LRP1B: variants seen among roughly 807,000 people sequenced by gnomAD.
LRP1B encodes the protein low-density lipoprotein receptor-related protein 1B.
A neutral mutation model predicts 556.6 loss-of-function variants in LRP1B; 217 were observed. The ratio of observed to expected loss-of-function variants is 0.39; its 90% CI spans 0.35 to 0.44. The LOEUF (loss-of-function observed/expected upper bound fraction) is 0.44, where lower values mean the gene tolerates loss of function less well. LRP1B is among the 20% of genes least tolerant of loss of function. The probability of loss-of-function intolerance (pLI) is 1.00; values close to 1 mark genes in which losing one functional copy is unlikely to be tolerated. For synonymous variants in LRP1B, 2,047 were observed against 1,865.8 expected (o/e 1.10, Z -2.50); for missense variants, 5,053 against 5,620.8 (o/e 0.90, Z 3.23).
intron 1 of LRP1B, among the ~76,000 whole-genome samples, chr2:142,029,023 A>G (rs571967903): frequency 2.0e-5 from 3 of 151,962 alleles, no homozygotes; most frequent in African/African-American, 7.2e-5. Flanking sequence ...CTTATTGTTG[A>G]CAGATCCACT....
At position 140,828,707 on chromosome 2, in the gene LRP1B, G is replaced by A. The variant is rs569960543; in HGVS notation, c.5209+11284C>T. On this transcript the variant is annotated intron_variant, in intron 31 of 90. Transcript: ENST00000389484. ...CAGGAGGCTGAGGCAGGAGAATGGC[G>A]TGAACCCGGGAGGCGGAGCTTGCAG... Among the ~76,000 whole-genome samples the A allele has an allele frequency of 2.1e-3, 145 of 67,756 alleles. 29 individuals are homozygous for A. The highest frequency in any genetic ancestry group is 6.8e-3 in the Middle Eastern group (1 of 146). 44.5% of individuals were successfully genotyped at this position (67,756 alleles called of 152,430 possible).
chr2:140,563,735 C>G (rs1681023538), intron 43 of LRP1B, among the ~76,000 whole-genome samples: 1 of 152,120 alleles, frequency 6.6e-6, no homozygotes, highest in South Asian at 2.1e-4. Flanking sequence ...GAATTACATT[C>G]AAAACAAAAT....
chr2:140,430,340 T>G (rs1685867221), intron 66 of LRP1B, among the ~76,000 whole-genome samples: 1 of 152,196 alleles, frequency 6.6e-6, no homozygotes, highest in African/African-American at 2.4e-5. Flanking sequence ...TGTACCACCA[T>G]GCTGTTATAT....
At chr2:141,847,757 CTAA>C (rs1166171715) in intron 1 of LRP1B, among the ~76,000 whole-genome samples, 6 of 151,518 alleles carry the variant, frequency 4.0e-5, no homozygotes, top group Non-Finnish European at 8.9e-5. Context: ...AGGAAATTCT[CTAA>C]TACTGTTACA....
chr2:141,821,441 C>G (rs1430989489), intron 1 of LRP1B, among the ~76,000 whole-genome samples: 2 of 152,078 alleles, frequency 1.3e-5, no homozygotes, highest in African/African-American at 2.4e-5. Flanking sequence ...GGCTTTTCTT[C>G]TCCTTGATGT....
chr2:140,794,430 A>C (rs558346804), intron 32 of LRP1B, among the ~76,000 whole-genome samples: 12 of 152,026 alleles, frequency 7.9e-5, no homozygotes, highest in Non-Finnish European at 1.3e-4. Flanking sequence ...ATGAAATGAC[A>C]ATATTTAATT....
Position 141,266,248 on chromosome 2 carries a change from C to T in LRP1B, c.344-11607G>A, listed in dbSNP as rs1479365159. Among the ~76,000 whole-genome samples the T allele has an allele frequency of 6.1e-5, 9 of 148,242 alleles. No individual in the cohort carries two copies. The East Asian group carries it at 1.8e-3, about 30-fold the overall frequency. On this transcript the variant is annotated intron_variant, in intron 3 of 90. Coordinates refer to ENST00000389484, the MANE Select transcript of LRP1B (RefSeq NM_018557.3). Reference sequence around the variant, plus strand: ...CTGAGACAGAAGAATGGCGTGAACCCGGGAGGCAGAGCTTGCAGTGAGCAG... The same window carrying T: ...CTGAGACAGAAGAATGGCGTGAACCTGGGAGGCAGAGCTTGCAGTGAGCAG...
chr2:141,892,998 T>C lies in LRP1B; in HGVS notation c.83-82597A>G, dbSNP rs924406285. 3.3e-4 allele frequency among the ~76,000 whole-genome samples: 50 copies of C among 152,182 alleles called. 1 individual carries two copies. The highest frequency in any genetic ancestry group is 7.2e-4 in the Admixed American group (11 of 15,272). The stretch of plus-strand genomic sequence containing the variant: ...GAAGAAATGTTTTAATCTTAATTTA[T>C]ATTTTTTTCTTAATTTTATTGTTGA... On this transcript the variant is annotated intron_variant, in intron 1 of 90. Transcript: ENST00000389484.
At chr2:140,284,254 A>G (rs1470794125) in intron 84 of LRP1B, among the ~76,000 whole-genome samples, 2 of 151,724 alleles carry the variant, frequency 1.3e-5, no homozygotes, top group East Asian at 3.9e-4. Flanking sequence ...AGTTGAAAAC[A>G]ATTATCAATA....
intron 86 of LRP1B, among the ~76,000 whole-genome samples, chr2:140,261,739 T>C (rs538292095): frequency 3.3e-5 from 5 of 152,022 alleles, no homozygotes; most frequent in African/African-American, 1.2e-4. Flanking sequence ...GAGTGTATCA[T>C]AGGGTCTCAT....
chr2:140,637,384 C>T (rs1684106858), intron 41 of LRP1B, among the ~76,000 whole-genome samples: 3 of 152,122 alleles, frequency 2.0e-5, no homozygotes, highest in South Asian at 4.1e-4. Context: ...TTCAATAGTC[C>T]ATACAAAGAG....
intron 1 of LRP1B, among the ~76,000 whole-genome samples, chr2:142,101,840 G>A (rs942120104): frequency 8.6e-5 from 13 of 151,880 alleles, no homozygotes; most frequent in Non-Finnish European, 1.5e-4. Flanking sequence ...AGAAAATGCC[G>A]TAGGCTCTGA....
chr2:140,488,792 T>A (rs1416049351), intron 57 of LRP1B, among the ~76,000 whole-genome samples: 9 of 152,006 alleles, frequency 5.9e-5, no homozygotes, highest in Non-Finnish European at 1.2e-4. Flanking sequence ...AAGTTGATGC[T>A]ATGTCTCAAA....
chr2:141,103,602 T>A (rs1700522454), intron 7 of LRP1B, among the ~76,000 whole-genome samples: 1 of 151,624 alleles, frequency 6.6e-6, no homozygotes, highest in Admixed American at 6.6e-5. Flanking sequence ...TGCACCTATT[T>A]ACCAGTAGCT....
intron 7 of LRP1B, among the ~76,000 whole-genome samples, chr2:141,182,404 C>G (rs1018378726): frequency 6.6e-6 from 1 of 151,930 alleles, no homozygotes; most frequent in Non-Finnish European, 1.5e-5. Context: ...GGCAAATAAC[C>G]CCTTGATACT....
At chr2:140,479,024 C>T (rs1242925002) in intron 59 of LRP1B, among the ~76,000 whole-genome samples, 1 of 151,518 alleles carries the variant, frequency 6.6e-6, no homozygotes, top group African/African-American at 2.4e-5. Context: ...CATGATTTGC[C>T]TATTTAAGTA....
At chr2:141,224,434 A>G (rs1019489007) in intron 6 of LRP1B, among the ~76,000 whole-genome samples, 7 of 152,208 alleles carry the variant, frequency 4.6e-5, no homozygotes, top group African/African-American at 1.7e-4. Flanking sequence ...CAATTCCTCA[A>G]AGACCTAGAA....
chr2:141,216,686 C>G (rs912654783), intron 6 of LRP1B, among the ~76,000 whole-genome samples: 2 of 152,184 alleles, frequency 1.3e-5, no homozygotes, highest in African/African-American at 4.8e-5. Flanking sequence ...CTCCTTGTAC[C>G]AGTGTGCCCT....
chr2:141,138,938 G>C (rs557470667), intron 7 of LRP1B, among the ~76,000 whole-genome samples: 9 of 151,906 alleles, frequency 5.9e-5, no homozygotes, highest in Non-Finnish European at 1.3e-4. Flanking sequence ...AAATTGGATA[G>C]ATAAGAGTGC....
Sources: gnomAD v4.1 joint callset for allele counts (sites outside exome capture counted in the v4.1 genomes callset) on GRCh38, gnomAD v4.1.1 for gene constraint, MANE v1.5 for transcripts, NCBI Gene and HGNC (gene_info 2026-07-23, HGNC 2026-07-21) for gene names.